The following ATOSA variants were observed in gnomAD, a reference collection of about 807,000 sequenced individuals.
ATOSA encodes atos homolog A, also known as atos homolog protein A.
chr15:52,644,902 C>T, the ATOSA span, among the ~76,000 whole-genome samples: 28 of 152,304 alleles, frequency 1.8e-4, no homozygotes, highest in East Asian at 5.0e-3. Context: ...AGATTGATCA[C>T]AGCAACCTAT....
the ATOSA span, among the ~76,000 whole-genome samples, chr15:52,585,826 G>A: frequency 6.6e-6 from 1 of 152,176 alleles, no homozygotes. Flanking sequence ...CATGCTTTCA[G>A]AAGCTCATCC....
the ATOSA span, among the ~76,000 whole-genome samples, chr15:52,607,575 A>T: frequency 6.6e-6 from 1 of 152,160 alleles, no homozygotes; most frequent in African/African-American, 2.4e-5. Context: ...AGCTACTGGT[A>T]TGTCATTCTC....
chr15:52,631,352 T>C, the ATOSA span, among the ~76,000 whole-genome samples: 3 of 152,282 alleles, frequency 2.0e-5, no homozygotes, highest in South Asian at 2.1e-4. Flanking sequence ...TCTCCCATAT[T>C]AACCTCTTTT....
chr15:52,611,451 T>A, the ATOSA span: 2 of 1,213,778 alleles, frequency 1.6e-6, no homozygotes, highest in African/African-American at 1.5e-5. Context: ...GTGCCAAATA[T>A]AAATACTATC....
At chr15:52,705,219 G>T in the ATOSA span, among the ~76,000 whole-genome samples, 2 of 152,130 alleles carry the variant, frequency 1.3e-5, no homozygotes, top group African/African-American at 4.8e-5. Context: ...CATGGATGAA[G>T]CTGGAAACCA....
At chr15:52,614,612 C>T in the ATOSA span, among the ~76,000 whole-genome samples, 28 of 151,840 alleles carry the variant, frequency 1.8e-4, no homozygotes, top group African/African-American at 6.5e-4. Context: ...CTTTGGGAGG[C>T]CGAGGTGGGC....
At chr15:52,649,014 T>TA in the ATOSA span, among the ~76,000 whole-genome samples, 8 of 152,170 alleles carry the variant, frequency 5.3e-5, no homozygotes, top group Non-Finnish European at 1.2e-4. Context: ...AAGGATTATA[T>TA]AATAGATTCA....
the ATOSA span, among the ~76,000 whole-genome samples, chr15:52,701,751 T>C: frequency 9.4e-4 from 143 of 152,186 alleles, 1 homozygote; most frequent in Non-Finnish European, 1.6e-3. Context: ...TAAAACACTT[T>C]AAGTAAAATT....
At chr15:52,701,920 C>G in the ATOSA span, among the ~76,000 whole-genome samples, 1 of 151,850 alleles carries the variant, frequency 6.6e-6, no homozygotes, top group Non-Finnish European at 1.5e-5. Flanking sequence ...GGCAACATAG[C>G]AAGACCCCAT....
At chr15:52,614,223 A>G in the ATOSA span, among the ~76,000 whole-genome samples, 33 of 152,080 alleles carry the variant, frequency 2.2e-4, 1 homozygote, top group Non-Finnish European at 2.9e-5. Flanking sequence ...CTCCTGCCTC[A>G]GCCTCCCAAG....
the ATOSA span, among the ~76,000 whole-genome samples, chr15:52,679,834 C>T: frequency 7.2e-6 from 1 of 138,276 alleles, no homozygotes; most frequent in Non-Finnish European, 1.6e-5. Flanking sequence ...TCCTCCTCCT[C>T]CTCCTCCCGG....
chr15:52,592,500 T>G, the ATOSA span, among the ~76,000 whole-genome samples: 1 of 152,178 alleles, frequency 6.6e-6, no homozygotes, highest in African/African-American at 2.4e-5. Context: ...CACAAGCCAT[T>G]GGAATAAAAA....
the ATOSA span, among the ~76,000 whole-genome samples, chr15:52,652,754 G>A: frequency 1.3e-3 from 196 of 152,250 alleles, no homozygotes; most frequent in African/African-American, 4.6e-3. Context: ...TGGATACATA[G>A]AACAATGACG....
chr15:52,636,160 A>C, the ATOSA span, among the ~76,000 whole-genome samples: 24 of 147,712 alleles, frequency 1.6e-4, no homozygotes, highest in Non-Finnish European at 3.0e-4. Context: ...ATAAATAATA[A>C]AAATAAATAA....
the ATOSA span, chr15:52,581,651 T>G: frequency 2.0e-5 from 3 of 152,794 alleles, no homozygotes; most frequent in African/African-American, 7.2e-5. Context: ...TACACATGCT[T>G]GCATAGTGTG....
the ATOSA span, among the ~76,000 whole-genome samples, chr15:52,629,465 C>T: frequency 1.3e-5 from 2 of 151,338 alleles, no homozygotes; most frequent in African/African-American, 2.4e-5. Context: ...CATACGGAAT[C>T]CTTTCATGCC....
the ATOSA span, among the ~76,000 whole-genome samples, chr15:52,677,665 A>G: frequency 6.6e-6 from 1 of 152,238 alleles, no homozygotes; most frequent in African/African-American, 2.4e-5. Context: ...GAACTTCTTG[A>G]AAGTTGAAGT....
At chr15:52,619,142 G>A in the ATOSA span, among the ~76,000 whole-genome samples, 48 of 152,196 alleles carry the variant, frequency 3.2e-4, 1 homozygote, top group African/African-American at 7.2e-5. Flanking sequence ...CAAGTGATAT[G>A]TGGTGACAAC....
At chr15:52,643,056 C>G in the ATOSA span, among the ~76,000 whole-genome samples, 2 of 152,172 alleles carry the variant, frequency 1.3e-5, no homozygotes, top group Non-Finnish European at 2.9e-5. Flanking sequence ...AGGGCCACCA[C>G]AAGATGCCCC....
Sources: gnomAD v4.1 joint callset for allele counts (sites outside exome capture counted in the v4.1 genomes callset) on GRCh38, gnomAD v4.1.1 for gene constraint, MANE v1.5 for transcripts, NCBI Gene and HGNC (gene_info 2026-07-23, HGNC 2026-07-21) for gene names.